KCNMA1: variants seen among roughly 807,000 people sequenced by gnomAD.
KCNMA1 encodes potassium calcium-activated channel subfamily M alpha 1.
In KCNMA1, 29 loss-of-function variants were observed where a neutral mutation model predicts 140.0. The observed-to-expected ratio is 0.21, with a 90% CI of 0.15 to 0.28. KCNMA1 has a LOEUF of 0.28. Ranked by LOEUF, KCNMA1 falls within the 10% of genes least tolerant of loss-of-function variation. The probability of loss-of-function intolerance (pLI) is 1.00; values close to 1 mark genes in which losing one functional copy is unlikely to be tolerated. For synonymous variants in KCNMA1, 612 were observed against 611.9 expected (o/e 1.00, Z 0.00); for missense variants, 880 against 1,602.2 (o/e 0.55, Z 7.70).
intron 1 of KCNMA1, among the ~76,000 whole-genome samples, chr10:77,617,451 G>A (rs1360524441): frequency 1.3e-5 from 2 of 152,194 alleles, no homozygotes; most frequent in Non-Finnish European, 1.5e-5. Context: ...CATGAAGCAG[G>A]GAGGCAGTTA....
intron 14 of KCNMA1, among the ~76,000 whole-genome samples, chr10:77,069,828 T>C (rs935632933): frequency 1.3e-5 from 2 of 152,142 alleles, no homozygotes; most frequent in African/African-American, 4.8e-5. Flanking sequence ...TCTTTCTTTT[T>C]TGGAGACGGG....
chr10:76,970,144 C>A, intron 19 of KCNMA1, 77 bp from the exon 20 acceptor site: 1 of 1,122,490 alleles, frequency 8.9e-7, no homozygotes, highest in South Asian at 1.2e-5. Context: ...TATCAAAGGA[C>A]ACACACTCAA....
intron 25 of KCNMA1, chr10:76,904,540 G>T (rs1216191985): frequency 2.6e-5 from 4 of 151,180 alleles, no homozygotes; most frequent in Non-Finnish European, 4.4e-5. Flanking sequence ...TCCAGATTAG[G>T]TAGGCCCTGC....
At chr10:77,537,665 A>G (rs1206062748) in intron 1 of KCNMA1, among the ~76,000 whole-genome samples, 14 of 152,194 alleles carry the variant, frequency 9.2e-5, no homozygotes, top group Admixed American at 9.2e-4. Flanking sequence ...TAAAGGAAGA[A>G]AAAAAAATTT....
At chr10:77,493,572 C>G (rs2040714367) in intron 1 of KCNMA1, among the ~76,000 whole-genome samples, 1 of 152,236 alleles carries the variant, frequency 6.6e-6, no homozygotes, top group Non-Finnish European at 1.5e-5. Flanking sequence ...GGCAGATTTG[C>G]AAAGCTCATC....
chr10:77,173,792 T>C lies in KCNMA1; in HGVS notation c.808+9629A>G, dbSNP rs555021046. On this transcript the variant is annotated intron_variant, in intron 5 of 27. Coordinates refer to ENST00000286628, the MANE Select transcript of KCNMA1 (RefSeq NM_001161352.2). ...AAAGTCAGCTGCCTGGAACATGGAG[T>C]GGGTGACCTCTGGGGGCACTCAGGG... 2.0e-3 allele frequency among the ~76,000 whole-genome samples: 306 copies of C among 152,138 alleles called. 1 individual carries two copies. The highest frequency in any genetic ancestry group is 3.6e-3 in the Non-Finnish European group (243 of 68,006).
intron 19 of KCNMA1, among the ~76,000 whole-genome samples, chr10:76,994,446 G>A (rs917257283): frequency 1.3e-5 from 2 of 152,144 alleles, no homozygotes; most frequent in Admixed American, 1.3e-4. Context: ...AATTCTAGTC[G>A]TAACATGAAT....
intron 2 of KCNMA1, among the ~76,000 whole-genome samples, chr10:77,325,168 C>T (rs1474648744): frequency 6.6e-6 from 1 of 152,140 alleles, no homozygotes; most frequent in Non-Finnish European, 1.5e-5. Flanking sequence ...ATGCAAATGC[C>T]TCATTGTTAC....
chr10:77,324,939 GACTCTCTCTCTCTC>G (rs2083460590), intron 2 of KCNMA1, among the ~76,000 whole-genome samples: 1 of 45,216 alleles, frequency 2.2e-5, no homozygotes, highest in African/African-American at 6.9e-5. Context: ...TATAGCTCTA[GACTCTCTCTCTCTC>G]TCTCTCTCTC....
At chr10:77,052,857 T>C (rs2095418704) in intron 14 of KCNMA1, among the ~76,000 whole-genome samples, 1 of 152,118 alleles carries the variant, frequency 6.6e-6, no homozygotes, top group Non-Finnish European at 1.5e-5. Context: ...TTATAAAATA[T>C]CTGTCATTAC....
chr10:77,347,846 G>A lies in KCNMA1; in HGVS notation c.540+56016C>T, dbSNP rs540800295. ...CATATATAGAATACATTATATTTCAGAAACTGTACTAAAACCTTAATTAAA... is the reference window on the plus strand; with the variant it reads ...CATATATAGAATACATTATATTTCAAAAACTGTACTAAAACCTTAATTAAA... On this transcript the variant is annotated intron_variant, in intron 2 of 27. Transcript: ENST00000286628. Among the ~76,000 whole-genome samples, 3 of 152,276 alleles carry A rather than the reference G, an allele frequency of 2.0e-5. No individual in the cohort carries two copies. The East Asian group carries it at 5.8e-4, about 29-fold the overall frequency.
intron 2 of KCNMA1, among the ~76,000 whole-genome samples, chr10:77,382,881 AAAAAATATAT>A (rs1390741697): frequency 2.6e-5 from 3 of 115,472 alleles, no homozygotes; most frequent in African/African-American, 9.1e-5. Context: ...AAAAAAAAAA[AAAAAATATAT>A]ATATATATAT....
At chr10:77,076,048 G>C (rs1017091343) in intron 13 of KCNMA1, among the ~76,000 whole-genome samples, 1 of 152,170 alleles carries the variant, frequency 6.6e-6, no homozygotes, top group African/African-American at 2.4e-5. Flanking sequence ...AAAACCAGGA[G>C]AGATGGATTT....
At chr10:77,111,955 G>C (rs61866992) in intron 7 of KCNMA1, among the ~76,000 whole-genome samples, 1 of 151,996 alleles carries the variant, frequency 6.6e-6, no homozygotes, top group African/African-American at 2.4e-5. Context: ...TTCGTAAGGC[G>C]GAAGTGGAAA....
intron 1 of KCNMA1, among the ~76,000 whole-genome samples, chr10:77,490,818 C>T (rs542288852): frequency 2.6e-5 from 4 of 152,302 alleles, no homozygotes; most frequent in African/African-American, 7.2e-5. Context: ...ATCTCCAGGA[C>T]CGAAATCTCT....
At chr10:76,928,093 G>A (rs1244572477) in intron 23 of KCNMA1, among the ~76,000 whole-genome samples, 1 of 152,138 alleles carries the variant, frequency 6.6e-6, no homozygotes, top group Non-Finnish European at 1.5e-5. Flanking sequence ...ACAAAAGGGA[G>A]TTGGAGATGG....
chr10:77,008,429 G>GTA (rs1215251633), intron 18 of KCNMA1, among the ~76,000 whole-genome samples: 19 of 152,142 alleles, frequency 1.2e-4, no homozygotes, highest in Non-Finnish European at 5.9e-5. Flanking sequence ...TGAGTAAATA[G>GTA]TAGACCCTGA....
rs1210582759 is a variant in KCNMA1 at position 76,886,954 on chromosome 10, A to C, written c.*312T>G. The C allele has an allele frequency of 8.2e-7, 1 of 1,221,972 alleles. No individual in the cohort carries two copies. Among genetic ancestry groups the C allele is most frequent in the Non-Finnish European group, 1.0e-6 (1 of 965,774 alleles). The allele number at this position is 1,221,972 out of a possible 1,614,324, so 75.7% of individuals were successfully genotyped here. On this transcript the variant is annotated 3_prime_UTR_variant, in exon 28 of 28. Coordinates refer to ENST00000286628, the MANE Select transcript of KCNMA1 (RefSeq NM_001161352.2). ...GCTCTGCCTAACTGACGTTGATCAC[A>C]AGTGCTCCCTTCTAATCTGTGAACT...
At chr10:77,289,654 T>G (rs1419436322) in intron 2 of KCNMA1, among the ~76,000 whole-genome samples, 2 of 152,110 alleles carry the variant, frequency 1.3e-5, no homozygotes, top group Non-Finnish European at 2.9e-5. Context: ...CTGGTCCATG[T>G]AAGACTTTTG....
Sources: gnomAD v4.1 joint callset for allele counts (sites outside exome capture counted in the v4.1 genomes callset) on GRCh38, gnomAD v4.1.1 for gene constraint, MANE v1.5 for transcripts, NCBI Gene and HGNC (gene_info 2026-07-23, HGNC 2026-07-21) for gene names.